Variants in RNFT1 observed in about 807,000 individuals in gnomAD.
The protein encoded by RNFT1 is E3 ubiquitin-protein ligase RNFT1.
In RNFT1, 35 loss-of-function variants were observed where a neutral mutation model predicts 53.2. That is an observed-to-expected ratio of 0.66 (90% CI 0.50 to 0.87). RNFT1 has a LOEUF of 0.87. Among genes scored for constraint, RNFT1 ranks in the 40% least tolerant of loss-of-function variants. The pLI, the probability that RNFT1 is intolerant of heterozygous loss-of-function variation, is 0.00. For missense variants in RNFT1, 421 were observed against 515.0 expected, an observed-to-expected ratio of 0.82 and a Z score of 1.77; for synonymous variants, 141 against 172.8, an observed-to-expected ratio of 0.82 and a Z score of 1.44.
At chr17:59,959,363 A>C (rs983643070) in intron 4 of RNFT1, 3 of 152,076 alleles carry the variant, frequency 2.0e-5, no homozygotes, top group Non-Finnish European at 4.4e-5. Context: ...CATCTCTCCA[A>C]CTCCAGTGAA....
At chr17:59,955,736 T>C (rs2045250516) in intron 7 of RNFT1, among the ~76,000 whole-genome samples, 1 of 152,182 alleles carries the variant, frequency 6.6e-6, no homozygotes, top group South Asian at 2.1e-4. Flanking sequence ...TTTTTTATTT[T>C]TACGGTATAT....
rs2045224189 is a variant in RNFT1 at position 59,952,322 on chromosome 17, A to G, written c.*655T>C. 2 of 152,242 alleles carry G rather than the reference A, an allele frequency of 1.3e-5. No individual in the cohort carries two copies. The highest frequency in any genetic ancestry group is 2.9e-5 in the Non-Finnish European group (2 of 68,046). The allele number at this position is 152,242 out of a possible 1,614,324, so 9.4% of individuals were successfully genotyped here. A position where few individuals can be genotyped will look rare whatever the true frequency, so the allele number is the denominator to read the frequency against. ...CAAAAAGCATGATCATGAACATTAA[A>G]GCTGATGGCAGGAAGAATTTATGAC... is the stretch of plus-strand genomic sequence containing the variant. On this transcript the variant is annotated 3_prime_UTR_variant, in exon 9 of 9. Transcript: ENST00000305783.
At chr17:59,962,753 G>A (rs1179037331) in intron 2 of RNFT1, 74 bp downstream of exon 2, 45 of 1,404,192 alleles carry the variant, frequency 3.2e-5, no homozygotes, top group South Asian at 1.3e-5. Flanking sequence ...GATGCATTAA[G>A]TAGATTACCA....
chr17:59,964,566 C>CCCTCGCCG lies in RNFT1; in HGVS notation c.56+34_56+41dup, dbSNP rs1568548332. ...TCCCCAGAGCCCCCTGCGCCGCGGC[C>CCCTCGCCG]CCTCGCCGCCTCCTCCTCTGCCCGC... On this transcript the variant is annotated intron_variant, in intron 1 of 8. Transcript: ENST00000305783. The CCCTCGCCG allele has an allele frequency of 2.2e-5, 35 of 1,556,890 alleles. No homozygotes were observed. The East Asian group carries it at 8.4e-4, about 37-fold the overall frequency.
rs1279533543 is a variant in RNFT1 at position 59,952,353 on chromosome 17, G to A, written c.*624C>T. The A allele has an allele frequency of 6.6e-6, 1 of 152,174 alleles. No homozygotes were observed. Among genetic ancestry groups the A allele is most frequent in the African/African-American group, 2.4e-5 (1 of 41,434 alleles). The allele number at this position is 152,174 out of a possible 1,614,324, so 9.4% of individuals were successfully genotyped here. A position where few individuals can be genotyped will look rare whatever the true frequency, so the allele number is the denominator to read the frequency against. ...TGGCAGGAAGAATTTATGACGTCCA[G>A]AGACAAAATGAATTTAAATCATTTA... is the stretch of plus-strand genomic sequence containing the variant. On this transcript the variant is annotated 3_prime_UTR_variant, in exon 9 of 9. Coordinates refer to ENST00000305783, the MANE Select transcript of RNFT1 (RefSeq NM_016125.4).
Position 59,958,400 on chromosome 17 carries a change from T to TC in RNFT1, c.736dup (p.Glu246GlyfsTer35). On this transcript the variant is annotated frameshift_variant, in exon 5 of 9. Transcript: ENST00000305783. LOFTEE classifies it high-confidence loss of function. ...TGTAATTCCAACAATCCAAAATACT[T>TC]CCCAGAAGCTCAAATGGTCCAAAGT... is the stretch of plus-strand genomic sequence containing the variant. The TC allele has an allele frequency of 6.3e-7, 1 of 1,597,800 alleles. No homozygotes were observed. Among genetic ancestry groups the TC allele is most frequent in the Non-Finnish European group, 8.5e-7 (1 of 1,176,036 alleles).
chr17:59,954,715 G>A (rs1297791291), intron 7 of RNFT1, among the ~76,000 whole-genome samples: 2 of 152,192 alleles, frequency 1.3e-5, no homozygotes, highest in Non-Finnish European at 1.5e-5. Flanking sequence ...AGGGACCACT[G>A]AAGAATTTTC....
At chr17:59,957,466 T>C in intron 5 of RNFT1, 84 bp from the exon 6 acceptor site, 2 of 856,858 alleles carry the variant, frequency 2.3e-6, no homozygotes, top group East Asian at 2.8e-5. Flanking sequence ...GAACACTGAG[T>C]ATATTATACA....
At position 59,955,053 on chromosome 17, in the gene RNFT1, A is replaced by T. The variant is rs570704497; in HGVS notation, c.1072-907T>A. Among the ~76,000 whole-genome samples, 9 of 152,318 alleles carry T rather than the reference A, an allele frequency of 5.9e-5. No individual in the cohort carries two copies. The East Asian group carries it at 7.7e-4, about 13-fold the overall frequency. On this transcript the variant is annotated intron_variant, in intron 7 of 8. Transcript: ENST00000305783. ...CTGTAGAAATGATGGGGAAGAGGTAACTAAAGAGATGTAAGAACACCCAAG... is the reference window on the plus strand; with the variant it reads ...CTGTAGAAATGATGGGGAAGAGGTATCTAAAGAGATGTAAGAACACCCAAG...
rs1347524795 is a variant in RNFT1 at position 59,952,537 on chromosome 17, A to G, written c.*440T>C. The G allele has an allele frequency of 6.6e-6, 1 of 152,664 alleles. No individual in the cohort carries two copies. Among genetic ancestry groups the G allele is most frequent in the Non-Finnish European group, 1.5e-5 (1 of 68,154 alleles). 9.5% of individuals were successfully genotyped at this position (152,664 alleles called of 1,614,324 possible). On this transcript the variant is annotated 3_prime_UTR_variant, in exon 9 of 9. Coordinates refer to ENST00000305783, the MANE Select transcript of RNFT1 (RefSeq NM_016125.4). Reference sequence around the variant, plus strand: ...TTTTATGAAAATATTAAGAATTTTTAGGATGGGAATTATAAAAGTCAATGC... The same window carrying G: ...TTTTATGAAAATATTAAGAATTTTTGGGATGGGAATTATAAAAGTCAATGC...
At chr17:59,958,799 G>A (rs2045269655) in intron 4 of RNFT1, 1 of 371,580 alleles carries the variant, frequency 2.7e-6, no homozygotes, top group Admixed American at 3.7e-5. Flanking sequence ...TGAATTGCTT[G>A]TCAAGATCAT....
intron 4 of RNFT1, chr17:59,958,665 A>C (rs536498904): frequency 5.8e-5 from 34 of 589,316 alleles, no homozygotes; most frequent in African/African-American, 5.7e-4. Flanking sequence ...ATAAGGAAAA[A>C]GTCTTCACGG....
chr17:59,957,153 G>A, intron 6 of RNFT1, 71 bp downstream of exon 6: 2 of 1,418,352 alleles, frequency 1.4e-6, no homozygotes, highest in Non-Finnish European at 1.9e-6. Flanking sequence ...TGTTAAAAGA[G>A]GAAAACAGTA....
chr17:59,956,580 A>T, intron 6 of RNFT1, 27 bp from the exon 7 acceptor site: 1 of 1,585,326 alleles, frequency 6.3e-7, no homozygotes, highest in Non-Finnish European at 8.7e-7. Context: ...GAGATCATTT[A>T]TTAATTCAAA....
intron 7 of RNFT1, 30 bp from the exon 8 acceptor site, chr17:59,954,176 C>A (rs762132274): frequency 4.2e-6 from 6 of 1,427,552 alleles, no homozygotes; most frequent in Non-Finnish European, 5.8e-6. Context: ...TGTTCATCTA[C>A]AAATTTCTTT....
intron 7 of RNFT1, among the ~76,000 whole-genome samples, chr17:59,955,213 T>G (rs2045246203): frequency 6.6e-6 from 1 of 151,614 alleles, no homozygotes; most frequent in Non-Finnish European, 1.5e-5. Context: ...AAAATTGAGG[T>G]TTTTTGAAAC....
At chr17:59,957,781 G>C (rs1266388795) in intron 5 of RNFT1, among the ~76,000 whole-genome samples, 1 of 152,086 alleles carries the variant, frequency 6.6e-6, no homozygotes, top group Non-Finnish European at 1.5e-5. Context: ...GGAGGCGGAG[G>C]TTGCAGTGAG....
chr17:59,964,547 G>C (rs1483880805), intron 1 of RNFT1, 61 bp downstream of exon 1: 101 of 1,517,140 alleles, frequency 6.7e-5, no homozygotes, highest in Non-Finnish European at 8.6e-5. Context: ...ATTCTCCCCA[G>C]AGCCCCCTGC....
rs952428753 is a variant in RNFT1, at chr17:59,963,120, G to A, written c.221C>T (p.Pro74Leu). ...HTRLTGEGSC[P>L]HSGDVHIQIN... ...CTGGATATGAACATCTCCAGAATGA[G>A]GGCAAGAACCCTCTCCTGTCAATCT... is the stretch of plus-strand genomic sequence containing the variant. Residue 74 changes from proline (P) to leucine (L), a missense_variant, in exon 2 of 9, where the codon CCT (proline) becomes CTT (leucine). Coordinates refer to ENST00000305783, the MANE Select transcript of RNFT1 (RefSeq NM_016125.4). 1.2e-6 allele frequency: 2 copies of A among 1,614,020 alleles called. No individual in the cohort carries two copies. Among genetic ancestry groups the A allele is most frequent in the Admixed American group, 1.7e-5 (1 of 59,996 alleles).
Sources: gnomAD v4.1 joint callset for allele counts (sites outside exome capture counted in the v4.1 genomes callset) on GRCh38, gnomAD v4.1.1 for gene constraint, MANE v1.5 for transcripts, NCBI Gene and HGNC (gene_info 2026-07-23, HGNC 2026-07-21) for gene names.